BMPR1B: variants seen among roughly 807,000 people sequenced by gnomAD.
BMPR1B encodes bone morphogenetic protein receptor type-1B.
In BMPR1B, 12 loss-of-function variants were observed where a neutral mutation model predicts 59.1. That is an observed-to-expected ratio of 0.20 (90% CI 0.13 to 0.33). The LOEUF is 0.33. Among genes scored for constraint, BMPR1B ranks in the 10% least tolerant of loss-of-function variants. BMPR1B has a pLI of 1.00. For synonymous variants in BMPR1B, 237 were observed against 207.3 expected, an observed-to-expected ratio of 1.14 and a Z score of -1.23; for missense variants, 550 against 610.9, an observed-to-expected ratio of 0.90 and a Z score of 1.05.
At chr4:94,952,552 C>A (rs566088873) in intron 2 of BMPR1B, among the ~76,000 whole-genome samples, 1 of 152,276 alleles carries the variant, frequency 6.6e-6, no homozygotes, top group Non-Finnish European at 1.5e-5. Context: ...TGTTCAGTTT[C>A]CATGTAGTTG....
At chr4:94,816,117 T>A (rs1314960714) in intron 1 of BMPR1B, among the ~76,000 whole-genome samples, 6 of 152,162 alleles carry the variant, frequency 3.9e-5, no homozygotes, top group African/African-American at 1.4e-4. Flanking sequence ...TTTTCATATA[T>A]CTGAAAATGG....
chr4:94,888,962 AAT>A (rs917529385), intron 2 of BMPR1B, among the ~76,000 whole-genome samples: 5 of 152,042 alleles, frequency 3.3e-5, no homozygotes, highest in African/African-American at 1.2e-4. Context: ...TAAAATTTGT[AAT>A]ACATAATATA....
At chr4:94,886,179 A>C (rs1289387858) in intron 2 of BMPR1B, among the ~76,000 whole-genome samples, 1 of 152,182 alleles carries the variant, frequency 6.6e-6, no homozygotes, top group Non-Finnish European at 1.5e-5. Flanking sequence ...ATCAAAAGTA[A>C]GCTTGGATAG....
In BMPR1B at chr4:94,773,427, A is replaced by G. The variant is rs572632252; in HGVS notation, c.-183+15359A>G. Among the ~76,000 whole-genome samples, 31 of 152,202 alleles carry G rather than the reference A, an allele frequency of 2.0e-4. 1 individual carries two copies. The South Asian group carries it at 6.2e-3, about 31-fold the overall frequency. ...GCTCTAAGATTTTATAATTCTTTAT[A>G]TGAGACTGATACGTACAAATCTAAT... is the stretch of plus-strand genomic sequence containing the variant. On this transcript the variant is annotated intron_variant, in intron 1 of 12. Coordinates refer to ENST00000515059, the MANE Select transcript of BMPR1B (RefSeq NM_001203.3).
chr4:94,871,071 T>C (rs958294879), intron 1 of BMPR1B, among the ~76,000 whole-genome samples: 3 of 152,146 alleles, frequency 2.0e-5, no homozygotes, highest in Non-Finnish European at 1.5e-5. Context: ...TGTAGTAAAT[T>C]GGAGGCAGGC....
In BMPR1B at chr4:95,082,872, A is replaced by C. The variant is rs193212068; in HGVS notation, c.-17-21536A>C. Among the ~76,000 whole-genome samples the C allele has an allele frequency of 1.8e-3, 278 of 151,836 alleles. 6 individuals are homozygous for C. The East Asian group carries it at 0.034, about 18-fold the overall frequency. On this transcript the variant is annotated intron_variant, in intron 3 of 12. Coordinates refer to ENST00000515059, the MANE Select transcript of BMPR1B (RefSeq NM_001203.3). ...GCTAACACGGTGAAGCCTCGTCTCT[A>C]CTAAAAATACAAAAAATTAGCCGGG...
At chr4:95,008,700 A>G (rs1723019760) in intron 3 of BMPR1B, among the ~76,000 whole-genome samples, 1 of 152,204 alleles carries the variant, frequency 6.6e-6, no homozygotes, top group Non-Finnish European at 1.5e-5. Flanking sequence ...TGTGTTCATC[A>G]AAGGACACTA....
intron 10 of BMPR1B, among the ~76,000 whole-genome samples, chr4:95,147,947 T>A (rs1203286375): frequency 1.3e-5 from 2 of 152,206 alleles, no homozygotes; most frequent in African/African-American, 4.8e-5. Context: ...CCGTCATTAC[T>A]CTTTTCCCAG....
chr4:94,841,761 A>C (rs966072979), intron 1 of BMPR1B, among the ~76,000 whole-genome samples: 3 of 152,144 alleles, frequency 2.0e-5, no homozygotes, highest in Non-Finnish European at 4.4e-5. Context: ...AGCTGTTCCT[A>C]TTCGGCCATC....
chr4:95,140,175 T>C (rs1380140137), intron 10 of BMPR1B, among the ~76,000 whole-genome samples: 2 of 152,212 alleles, frequency 1.3e-5, no homozygotes, highest in African/African-American at 4.8e-5. Context: ...TACTTATTTG[T>C]CATTCCCAAT....
At chr4:94,846,296 A>G (rs1725322610) in intron 1 of BMPR1B, among the ~76,000 whole-genome samples, 1 of 152,240 alleles carries the variant, frequency 6.6e-6, no homozygotes, top group Non-Finnish European at 1.5e-5. Context: ...ATCTCTGATC[A>G]TATATATGAT....
At chr4:94,970,896 A>T (rs1016563358) in intron 2 of BMPR1B, among the ~76,000 whole-genome samples, 1 of 151,968 alleles carries the variant, frequency 6.6e-6, no homozygotes, top group African/African-American at 2.4e-5. Context: ...TTTAAGTTAC[A>T]TTTTTTTGGA....
At chr4:94,802,700 G>A (rs1242478965) in intron 1 of BMPR1B, among the ~76,000 whole-genome samples, 1 of 152,082 alleles carries the variant, frequency 6.6e-6, no homozygotes, top group African/African-American at 2.4e-5. Flanking sequence ...AGAGAAAAGT[G>A]TATTATTTTG....
chr4:94,871,869 A>G (rs1726511628), intron 1 of BMPR1B, among the ~76,000 whole-genome samples: 1 of 152,212 alleles, frequency 6.6e-6, no homozygotes, highest in Non-Finnish European at 1.5e-5. Flanking sequence ...AAATACCCCA[A>G]GGTTTGATTC....
At chr4:94,993,878 A>G (rs987070216) in intron 2 of BMPR1B, among the ~76,000 whole-genome samples, 2 of 152,150 alleles carry the variant, frequency 1.3e-5, no homozygotes, top group Admixed American at 6.6e-5. Context: ...GAAAATAAAT[A>G]GCAATGTAAA....
chr4:94,806,057 A>G (rs1247687586), intron 1 of BMPR1B, among the ~76,000 whole-genome samples: 1 of 152,196 alleles, frequency 6.6e-6, no homozygotes, highest in Non-Finnish European at 1.5e-5. Flanking sequence ...CCAGTGCAAT[A>G]TCAACAAATA....
chr4:95,046,991 G>A (rs1413303838), intron 3 of BMPR1B, among the ~76,000 whole-genome samples: 1 of 152,208 alleles, frequency 6.6e-6, no homozygotes, highest in Non-Finnish European at 1.5e-5. Flanking sequence ...CTTCTCTGCA[G>A]TCAACTCTGT....
At chr4:94,803,700 T>C (rs1242268669) in intron 1 of BMPR1B, among the ~76,000 whole-genome samples, 1 of 152,174 alleles carries the variant, frequency 6.6e-6, no homozygotes, top group Non-Finnish European at 1.5e-5. Context: ...GCAGAGCTCT[T>C]GTTTTGATGC....
chr4:94,941,942 GT>G (rs1366453489), intron 2 of BMPR1B, among the ~76,000 whole-genome samples: 1 of 152,192 alleles, frequency 6.6e-6, no homozygotes, highest in African/African-American at 2.4e-5. Context: ...GATTTAGAAT[GT>G]TTCCACACTT....
Sources: allele counts gnomAD v4.1 joint callset (sites outside exome capture counted in the v4.1 genomes callset), GRCh38; gene constraint gnomAD v4.1.1; transcripts MANE v1.5; gene names NCBI Gene and HGNC (gene_info 2026-07-23, HGNC 2026-07-21).